LTBP2: variants seen among roughly 807,000 people sequenced by gnomAD.
LTBP2 encodes latent-transforming growth factor beta-binding protein 2.
A neutral mutation model predicts 210.6 loss-of-function variants in LTBP2; 103 were observed. The observed-to-expected ratio is 0.49, with a 90% CI of 0.42 to 0.58. LTBP2 has a LOEUF of 0.58. LTBP2 is among the 20% of genes least tolerant of loss of function. The probability of loss-of-function intolerance (pLI) is 0.00; values close to 1 mark genes in which losing one functional copy is unlikely to be tolerated. For missense variants in LTBP2, 2,313 were observed against 2,494.5 expected (o/e 0.93, Z 1.55); for synonymous variants, 1,007 against 1,015.0 (o/e 0.99, Z 0.15).
At chr14:74,594,840 T>C (rs1291052445) in intron 2 of LTBP2, among the ~76,000 whole-genome samples, 3 of 152,040 alleles carry the variant, frequency 2.0e-5, no homozygotes, top group Admixed American at 6.5e-5. Flanking sequence ...TCAGAATCGC[T>C]CTCTCCACTC....
intron 15 of LTBP2, among the ~76,000 whole-genome samples, chr14:74,523,806 C>T (rs1411026347): frequency 3.3e-5 from 5 of 152,188 alleles, no homozygotes; most frequent in African/African-American, 1.2e-4. Flanking sequence ...GGTCCCTGCC[C>T]CGCCCCCATA....
chr14:74,531,636 A>T (rs2087351774), intron 10 of LTBP2, among the ~76,000 whole-genome samples: 1 of 152,218 alleles, frequency 6.6e-6, no homozygotes, highest in African/African-American at 2.4e-5. Flanking sequence ...CCAGTACCAG[A>T]AAGTTTGCAG....
At position 74,509,305 on chromosome 14, in the gene LTBP2, A is replaced by G. The variant is rs754936091; in HGVS notation, c.3336T>C (p.Ala1112=). The G allele has an allele frequency of 3.1e-6, 5 of 1,613,388 alleles. No individual in the cohort carries two copies. The South Asian group carries it at 5.5e-5, about 18-fold the overall frequency. ...VCPSGVCTNT[A]GSFSCKDCDG... is the part of the protein sequence containing the mutation. ...CGCAGTCCTTGCAGGAGAAGGAGCCAGCCGTGTTGGTGCAGACTCCGGAGG... is the reference window on the plus strand; with the variant it reads ...CGCAGTCCTTGCAGGAGAAGGAGCCGGCCGTGTTGGTGCAGACTCCGGAGG... Residue 1112 remains alanine, a synonymous_variant, in exon 22 of 36, where the codon GCT becomes GCC. Coordinates refer to ENST00000261978, the MANE Select transcript of LTBP2 (RefSeq NM_000428.3).
intron 2 of LTBP2, 52 bp downstream of exon 2, chr14:74,603,583 G>C: frequency 6.3e-7 from 1 of 1,578,638 alleles, no homozygotes; most frequent in Non-Finnish European, 8.7e-7. Context: ...GGTGGGGAAT[G>C]GCACTTCACG....
intron 31 of LTBP2, 129 bp downstream of exon 31, chr14:74,503,797 C>A: frequency 6.9e-7 from 1 of 1,444,212 alleles, no homozygotes; most frequent in Non-Finnish European, 9.4e-7. Flanking sequence ...CTGGGACCAG[C>A]CTGCTGCAGT....
chr14:74,564,342 TA>T lies in LTBP2; in HGVS notation c.831-8650del, dbSNP rs1409783391. ...ATTTATATATATATTTATATATATA[TA>T]TTTATATATATTTATATATATATTT... On this transcript the variant is annotated intron_variant, in intron 3 of 35. Coordinates refer to ENST00000261978, the MANE Select transcript of LTBP2 (RefSeq NM_000428.3). Among the ~76,000 whole-genome samples the T allele has an allele frequency of 2.3e-3, 18 of 7,722 alleles. 3 individuals carry two copies. The highest frequency in any genetic ancestry group is 0.013 in the South Asian group (2 of 160). The allele number at this position is 7,722 out of a possible 152,430, so 5.1% of individuals were successfully genotyped here.
chr14:74,577,181 A>C (rs1244530000), intron 3 of LTBP2, among the ~76,000 whole-genome samples: 1 of 152,232 alleles, frequency 6.6e-6, no homozygotes. Context: ...CAGGAAAAAG[A>C]AAGAAAAAAA....
chr14:74,586,176 G>A lies in LTBP2; in HGVS notation c.566-58C>T, dbSNP rs2088203656. ...GCCATAGGGCACTGAGACCACAGCT[G>A]CCCACACCTTCCTGTCAGAAGGGCC... On this transcript the variant is annotated intron_variant, in intron 2 of 35. Transcript: ENST00000261978. The surrounding 1 kb of genome is among the most constrained non-coding windows in gnomAD (Gnocchi z 4.6). 3 of 1,537,206 alleles carry A rather than the reference G, an allele frequency of 2.0e-6. No homozygotes were observed. The highest frequency in any genetic ancestry group is 2.6e-6 in the Non-Finnish European group (3 of 1,137,270).
chr14:74,527,286 T>G, intron 13 of LTBP2, 61 bp downstream of exon 13: 2 of 1,588,762 alleles, frequency 1.3e-6, no homozygotes, highest in Non-Finnish European at 1.7e-6. Context: ...GGGCCTGAGC[T>G]GCTACCAGGT....
intron 2 of LTBP2, among the ~76,000 whole-genome samples, chr14:74,590,124 T>C (rs1321385407): frequency 6.6e-6 from 1 of 152,196 alleles, no homozygotes; most frequent in Non-Finnish European, 1.5e-5. Flanking sequence ...GAATGGCCAT[T>C]ACTAAAAAGT....
At chr14:74,572,059 G>A (rs1182711706) in intron 3 of LTBP2, among the ~76,000 whole-genome samples, 1 of 151,954 alleles carries the variant, frequency 6.6e-6, no homozygotes, top group Non-Finnish European at 1.5e-5. Flanking sequence ...AAGCAACTAT[G>A]TGTTTTCACA....
At chr14:74,582,712 A>G (rs7150223) in intron 3 of LTBP2, among the ~76,000 whole-genome samples, 1 of 152,012 alleles carries the variant, frequency 6.6e-6, no homozygotes, top group Non-Finnish European at 1.5e-5. Context: ...TCTAACCCTC[A>G]CTACTCAAAA....
At chr14:74,506,888 C>CGCGCGT (rs2086999098) in intron 26 of LTBP2, 65 bp from the exon 27 acceptor site, 5 of 1,404,392 alleles carry the variant, frequency 3.6e-6, no homozygotes, top group East Asian at 2.5e-5. Flanking sequence ...TGCGCGCGCG[C>CGCGCGT]GTGTGTGCTC....
At chr14:74,545,709 A>G (rs909750684) in intron 8 of LTBP2, among the ~76,000 whole-genome samples, 5 of 152,266 alleles carry the variant, frequency 3.3e-5, no homozygotes, top group African/African-American at 1.2e-4. Context: ...GGCCTCAATC[A>G]AAGTGGCTTT....
At chr14:74,523,846 T>TG (rs1315164792) in intron 15 of LTBP2, among the ~76,000 whole-genome samples, 1 of 151,908 alleles carries the variant, frequency 6.6e-6, no homozygotes, top group Non-Finnish European at 1.5e-5. Flanking sequence ...CCCAAGGGAA[T>TG]GGGTTGGGGA....
At chr14:74,504,083 A>C in intron 30 of LTBP2, 29 bp from the exon 31 acceptor site, 1 of 1,612,568 alleles carries the variant, frequency 6.2e-7, no homozygotes, top group Non-Finnish European at 8.5e-7. Context: ...AGGTGAGAGG[A>C]AGGTGAGAGG....
In LTBP2 at chr14:74,504,128, G is replaced by A. The variant is rs541565927; in HGVS notation, c.4454-74C>T. The A allele has an allele frequency of 2.5e-4, 399 of 1,573,984 alleles. 2 individuals carry two copies. The highest frequency in any genetic ancestry group is 1.9e-3 in the Admixed American group (102 of 54,798). ...GGGTACCTAGAGCAGGGAATCCAAA[G>A]CCAGGCTGGGTTTGAATCCCAGCTC... On this transcript the variant is annotated intron_variant, in intron 30 of 35. Transcript: ENST00000261978.
At chr14:74,576,241 C>A (rs2088056808) in intron 3 of LTBP2, among the ~76,000 whole-genome samples, 1 of 152,192 alleles carries the variant, frequency 6.6e-6, no homozygotes, top group Admixed American at 6.5e-5. Context: ...GGAAATGGCC[C>A]TGAGACCATC....
chr14:74,515,252 A>ATT lies in LTBP2; in HGVS notation c.2908+1568_2908+1569dup, dbSNP rs575476350. ...ACACAGACTGGTTAATATAAATCTG[A>ATT]TTTTTTTTTTTTTTTTTTTTTTGAG... On this transcript the variant is annotated intron_variant, in intron 18 of 35. Transcript: ENST00000261978. 7.0e-3 allele frequency among the ~76,000 whole-genome samples: 875 copies of ATT among 125,410 alleles called. 23 individuals are homozygous for ATT. The highest frequency in any genetic ancestry group is 0.025 in the African/African-American group (801 of 32,320). 82.3% of individuals were successfully genotyped at this position (125,410 alleles called of 152,430 possible).
Sources: allele counts gnomAD v4.1 joint callset (sites outside exome capture counted in the v4.1 genomes callset), GRCh38; gene constraint gnomAD v4.1.1; non-coding constraint Gnocchi (gnomAD v3.1); transcripts MANE v1.5; gene names NCBI Gene and HGNC (gene_info 2026-07-23, HGNC 2026-07-21).